OR2Z1: variants seen among roughly 807,000 people sequenced by gnomAD.
The protein encoded by OR2Z1 is olfactory receptor 2Z1.
For missense variants in OR2Z1, 449 were observed against 401.8 expected (o/e 1.12, Z -1.00); for synonymous variants, 188 against 160.6 (o/e 1.17, Z -1.29).
intron 2 of OR2Z1, chr19:8,729,192 C>G (rs1005280120): frequency 3.5e-6 from 3 of 852,894 alleles, no homozygotes; most frequent in South Asian, 2.7e-5. Context: ...TCCTTATTTG[C>G]TTTCGGCGCC....
intron 2 of OR2Z1, among the ~76,000 whole-genome samples, chr19:8,728,020 C>G (rs556157657): frequency 6.6e-6 from 1 of 152,306 alleles, no homozygotes; most frequent in African/African-American, 2.4e-5. Flanking sequence ...GGTCATATAG[C>G]CCAAAGTGGA....
intron 2 of OR2Z1, 117 bp from the exon 3 acceptor site, chr19:8,730,743 A>C: frequency 2.2e-6 from 1 of 464,670 alleles, no homozygotes; most frequent in Non-Finnish European, 3.9e-6. Flanking sequence ...CACTATAGGG[A>C]GCAGTGGGTA....
At position 8,731,940 on chromosome 19, in the gene OR2Z1, G is replaced by C; in HGVS notation, c.912G>C (p.Val304=). 6.2e-7 allele frequency: 1 copy of C among 1,614,054 alleles called. No individual in the cohort carries two copies. Among genetic ancestry groups the C allele is most frequent in the Non-Finnish European group, 8.5e-7 (1 of 1,179,954 alleles). The change falls in exon 3 of 3, where the codon GTG becomes GTC. Residue 304 remains valine, a synonymous_variant. Transcript: ENST00000641125. ...NPEVWMALVK[V]LSRAGLRQMC ...AGGTGTGGATGGCTTTGGTCAAAGTGCTTAGCAGAGCTGGACTCAGGCAAA... is the reference window on the plus strand; with the variant it reads ...AGGTGTGGATGGCTTTGGTCAAAGTCCTTAGCAGAGCTGGACTCAGGCAAA...
intron 2 of OR2Z1, among the ~76,000 whole-genome samples, chr19:8,723,908 G>C (rs1377755380): frequency 4.0e-5 from 6 of 150,726 alleles, no homozygotes; most frequent in Admixed American, 1.3e-4. Context: ...TACCAGACCA[G>C]GGTGGGACAT....
intron 2 of OR2Z1, among the ~76,000 whole-genome samples, chr19:8,724,976 C>G (rs1461300863): frequency 6.6e-6 from 1 of 152,144 alleles, no homozygotes; most frequent in African/African-American, 2.4e-5. Context: ...TCTGGAACAA[C>G]CTTCCCTCTT....
intron 2 of OR2Z1, among the ~76,000 whole-genome samples, chr19:8,724,771 C>G (rs1555755998): frequency 6.6e-6 from 1 of 152,050 alleles, no homozygotes; most frequent in Admixed American, 6.6e-5. Context: ...AAAAGTGTGT[C>G]CTTGGGTAGG....
intron 2 of OR2Z1, among the ~76,000 whole-genome samples, chr19:8,723,379 C>T (rs1175616646): frequency 3.9e-5 from 6 of 152,144 alleles, no homozygotes; most frequent in African/African-American, 1.2e-4. Flanking sequence ...CTGATCCCAT[C>T]CCAGGCAGAG....
chr19:8,732,027 C>T lies in OR2Z1; in HGVS notation c.*54C>T. On this transcript the variant is annotated 3_prime_UTR_variant, in exon 3 of 3. Coordinates refer to ENST00000641125, the MANE Select transcript of OR2Z1 (RefSeq NM_001004699.3). ...GCGGTCCTCGATCCCACCCACCTTC[C>T]CAAAGTATGCATTTGGCATTCAATT... 1 of 1,379,812 alleles carries T rather than the reference C, an allele frequency of 7.2e-7. No individual in the cohort carries two copies. Among genetic ancestry groups the T allele is most frequent in the Non-Finnish European group, 1.0e-6 (1 of 997,470 alleles). 85.5% of individuals were successfully genotyped at this position (1,379,812 alleles called of 1,614,324 possible).
intron 1 of OR2Z1, among the ~76,000 whole-genome samples, chr19:8,722,306 G>A (rs1355764976): frequency 1.3e-5 from 2 of 151,738 alleles, no homozygotes; most frequent in East Asian, 1.9e-4. Context: ...TAATATAAGT[G>A]ACAGTTTGTC....
chr19:8,724,014 G>A (rs868912017), intron 2 of OR2Z1, among the ~76,000 whole-genome samples: 4 of 144,162 alleles, frequency 2.8e-5, no homozygotes, highest in Non-Finnish European at 6.0e-5. Context: ...GTGTGTGTAT[G>A]TGTGTGTGTG....
At chr19:8,726,524 G>T (rs1158686421) in intron 2 of OR2Z1, among the ~76,000 whole-genome samples, 2 of 152,194 alleles carry the variant, frequency 1.3e-5, no homozygotes, top group African/African-American at 4.8e-5. Flanking sequence ...ATTACCTACA[G>T]GGCATCCTGA....
In OR2Z1 at chr19:8,731,477, TG is replaced by T. The variant is rs782607873; in HGVS notation, c.451del (p.Val151Ter). On this transcript the variant is annotated frameshift_variant, in exon 3 of 3. Transcript: ENST00000641125. LOFTEE classifies it low-confidence loss of function (END_TRUNC). ...VCLLMMGSSWVVGVLNASIQT... is the reference protein window; with the variant it reads ...VCLLMMGSSWXVGVLNASIQT... Reference sequence around the variant, plus strand: ...CTGCTGATGATGGGCTCCTCCTGGGTGGTAGGTGTGCTCAACGCCTCCATCC... The same window carrying T: ...CTGCTGATGATGGGCTCCTCCTGGGTGTAGGTGTGCTCAACGCCTCCATCC... 6.2e-7 allele frequency: 1 copy of T among 1,613,910 alleles called. No individual in the cohort carries two copies. The highest frequency in any genetic ancestry group is 1.3e-5 in the African/African-American group (1 of 74,968).
rs782205923 is a variant in OR2Z1 at position 8,731,392 on chromosome 19, C to T, written c.364C>T (p.Arg122Cys). The part of the protein sequence containing the change: ...GVLLVLMSYD[R>C]YVAVCQPLQY... ...CCTGTTGGTCCTCATGTCTTATGAC[C>T]GTTATGTTGCTGTGTGCCAGCCCCT... The change falls in exon 3 of 3, where the codon CGT (arginine) becomes TGT (cysteine). Residue 122 changes from arginine (R) to cysteine (C), a missense_variant. By Grantham distance (180) the Arg-to-Cys change is radical (BLOSUM62 -3). Coordinates refer to ENST00000641125, the MANE Select transcript of OR2Z1 (RefSeq NM_001004699.3). The T allele has an allele frequency of 7.4e-6, 12 of 1,613,922 alleles. 1 individual carries two copies. The highest frequency in any genetic ancestry group is 6.7e-5 in the Admixed American group (4 of 59,976).
At chr19:8,728,591 G>A in intron 2 of OR2Z1, 1 of 384,994 alleles carries the variant, frequency 2.6e-6, no homozygotes, top group South Asian at 2.1e-5. Context: ...TATGCAAGGT[G>A]TGTTACATGG....
chr19:8,722,473 A>T (rs1337930674), intron 1 of OR2Z1, among the ~76,000 whole-genome samples: 1 of 152,158 alleles, frequency 6.6e-6, no homozygotes, highest in Non-Finnish European at 1.5e-5. Context: ...GGACCACTCT[A>T]GACCCACATT....
Position 8,731,775 on chromosome 19 carries a change from G to A in OR2Z1, c.747G>A (p.Gly249=). Residue 249 remains glycine (G), a synonymous_variant, in exon 3 of 3, where the codon GGG becomes GGA. Coordinates refer to ENST00000641125, the MANE Select transcript of OR2Z1 (RefSeq NM_001004699.3). ...TTCSSHITVV[G]LFYGAAVFMY... ...GCTCCTCGCACATCACGGTAGTGGG[G>A]CTCTTTTATGGTGCCGCCGTGTTCA... 6.2e-7 allele frequency: 1 copy of A among 1,614,234 alleles called. No individual in the cohort carries two copies. The highest frequency in any genetic ancestry group is 8.5e-7 in the Non-Finnish European group (1 of 1,180,044).
In OR2Z1 at chr19:8,731,680, T is replaced by G; in HGVS notation, c.652T>G (p.Tyr218Asp). 1 of 1,614,182 alleles carries G rather than the reference T, an allele frequency of 6.2e-7. No homozygotes were observed. The highest frequency in any genetic ancestry group is 8.5e-7 in the Non-Finnish European group (1 of 1,180,030). The change falls in exon 3 of 3, where the codon TAC becomes GAC. Residue 218 changes from tyrosine (Y) to aspartate (D), a missense_variant. Tyr to Asp is a radical substitution (Grantham distance 160). Transcript: ENST00000641125. Reference protein sequence around the residue: ...MLPLSLIATSYGHVLQAVLSM... With the variant: ...MLPLSLIATSDGHVLQAVLSM... ...CCCTCTTTCCCTCATCGCCACCTCC[T>G]ACGGCCACGTGTTGCAGGCTGTTCT...
intron 2 of OR2Z1, among the ~76,000 whole-genome samples, chr19:8,724,124 A>G (rs2043318311): frequency 6.6e-6 from 1 of 151,954 alleles, no homozygotes; most frequent in African/African-American, 2.4e-5. Flanking sequence ...TTTTGTTAGA[A>G]TCTTGACTTG....
chr19:8,724,261 C>T (rs781897000), intron 2 of OR2Z1, among the ~76,000 whole-genome samples: 5 of 151,596 alleles, frequency 3.3e-5, no homozygotes, highest in African/African-American at 4.8e-5. Flanking sequence ...GAGGGTCTCA[C>T]TCTGTGTTCT....
Sources: allele counts gnomAD v4.1 joint callset (sites outside exome capture counted in the v4.1 genomes callset), GRCh38; gene constraint gnomAD v4.1.1; transcripts MANE v1.5; gene names NCBI Gene and HGNC (gene_info 2026-07-23, HGNC 2026-07-21).